TRMT11: variants seen among roughly 807,000 people sequenced by gnomAD.
The protein encoded by TRMT11 is tRNA methyltransferase 11, also known as tRNA (guanine(10)-N(2))-methyltransferase TRMT11.
A neutral mutation model predicts 62.8 loss-of-function variants in TRMT11; 53 were observed. The ratio of observed to expected loss-of-function variants is 0.84; its 90% CI spans 0.68 to 1.06. The LOEUF (loss-of-function observed/expected upper bound fraction) is 1.06, where lower values mean the gene tolerates loss of function less well. Ranked by LOEUF, TRMT11 falls within the 50% of genes least tolerant of loss-of-function variation. The probability of loss-of-function intolerance (pLI) is 0.00; values close to 1 mark genes in which losing one functional copy is unlikely to be tolerated. For missense variants in TRMT11, 556 were observed against 553.4 expected, an observed-to-expected ratio of 1.00 and a Z score of -0.05; for synonymous variants, 188 against 190.3, an observed-to-expected ratio of 0.99 and a Z score of 0.10.
chr6:126,184,680 T>C (rs1239733181), intron 1 of TRMT11, among the ~76,000 whole-genome samples: 1 of 152,062 alleles, frequency 6.6e-6, no homozygotes, highest in African/African-American at 2.4e-5. Context: ...CTTCTTGGGC[T>C]CCCTCAACTG....
At chr6:126,271,363 C>CAAAAAAAAAAAAAAAAAAAAAAAAAA in the TRMT11 span, among the ~76,000 whole-genome samples, 1 of 36,266 alleles carries the variant, frequency 2.8e-5, no homozygotes, top group African/African-American at 1.0e-4. Context: ...GACTCCATCT[C>CAAAAAAAAAAAAAAAAAAAAAAAAAA]AAAAAAAAAA....
At chr6:126,123,615 CTA>C (rs1777675817) in intron 21 of TRMT11, among the ~76,000 whole-genome samples, 1 of 151,870 alleles carries the variant, frequency 6.6e-6, no homozygotes, top group East Asian at 1.9e-4. Context: ...ATTCCTACCT[CTA>C]TTTGCAACAT....
chr6:126,259,893 T>C, the TRMT11 span, among the ~76,000 whole-genome samples: 3 of 152,202 alleles, frequency 2.0e-5, no homozygotes, highest in African/African-American at 7.2e-5. Context: ...TATTCCTTCT[T>C]GCTTTTAATT....
chr6:126,048,694 A>G (rs955943469), intron 16 of TRMT11, among the ~76,000 whole-genome samples: 2 of 152,196 alleles, frequency 1.3e-5, no homozygotes, highest in African/African-American at 4.8e-5. Context: ...TTTCTGATGC[A>G]AAGGCTACCA....
chr6:126,141,323 A>G (rs1402524665), intron 21 of TRMT11, among the ~76,000 whole-genome samples: 1 of 152,182 alleles, frequency 6.6e-6, no homozygotes, highest in Non-Finnish European at 1.5e-5. Context: ...GCATGTAGCT[A>G]GTTACAGCTT....
rs143468102 is a variant in TRMT11, at chr6:126,160,566, C to A, written c.*1824-14259C>A. On this transcript the variant is annotated intron_variant and NMD_transcript_variant, in intron 21 of 22. Transcript: ENST00000648977. ...CTGAAGCATTGTTCTACTCGCTCCT[C>A]CTGGTGACTGTGTAGCTGTGTTTCT... is the stretch of plus-strand genomic sequence containing the variant. 4.5e-3 allele frequency among the ~76,000 whole-genome samples: 686 copies of A among 152,264 alleles called. 3 individuals carry two copies. The highest frequency in any genetic ancestry group is 8.3e-3 in the Non-Finnish European group (564 of 68,020).
At chr6:126,229,294 TAGATGCC>T in the TRMT11 span, among the ~76,000 whole-genome samples, 2 of 152,220 alleles carry the variant, frequency 1.3e-5, no homozygotes, top group African/African-American at 4.8e-5. Context: ...AACAAAATGC[TAGATGCC>T]AGGGGGAAAC....
At chr6:125,987,717 GA>G (rs1417856388) in intron 1 of TRMT11, among the ~76,000 whole-genome samples, 1 of 152,194 alleles carries the variant, frequency 6.6e-6, no homozygotes, top group Non-Finnish European at 1.5e-5. Flanking sequence ...TGGATTGATT[GA>G]ATATGTGGGA....
chr6:126,239,799 G>A, the TRMT11 span, among the ~76,000 whole-genome samples: 1 of 152,216 alleles, frequency 6.6e-6, no homozygotes, highest in Non-Finnish European at 1.5e-5. Context: ...ATCCTTCAGA[G>A]TGTTTTCCAA....
At chr6:126,085,086 C>G (rs1317584696) in intron 17 of TRMT11, among the ~76,000 whole-genome samples, 1 of 152,054 alleles carries the variant, frequency 6.6e-6, no homozygotes, top group Non-Finnish European at 1.5e-5. Context: ...TGTTCTTGCT[C>G]CTCCCTAACA....
chr6:126,258,447 C>T, the TRMT11 span: 512 of 296,624 alleles, frequency 1.7e-3, no homozygotes, highest in African/African-American at 8.5e-3. Flanking sequence ...CTCCGCTCTG[C>T]GCAGCTCCAC....
intron 17 of TRMT11, among the ~76,000 whole-genome samples, chr6:126,086,161 C>T (rs565907465): frequency 7.9e-5 from 12 of 152,216 alleles, no homozygotes; most frequent in Non-Finnish European, 8.8e-5. Context: ...AAAGGAAGCA[C>T]GACTCAATTC....
chr6:126,030,232 C>A (rs1773944521), intron 12 of TRMT11, among the ~76,000 whole-genome samples: 1 of 152,058 alleles, frequency 6.6e-6, no homozygotes, highest in Non-Finnish European at 1.5e-5. Context: ...CAAGTGGTTT[C>A]TATAGCTACT....
chr6:126,076,722 A>G (rs1165856608), intron 17 of TRMT11, among the ~76,000 whole-genome samples: 3 of 152,212 alleles, frequency 2.0e-5, no homozygotes, highest in Non-Finnish European at 4.4e-5. Context: ...TACAGTTACC[A>G]TATAAATAAA....
At chr6:126,011,832 G>A (rs1377289250) in intron 9 of TRMT11, among the ~76,000 whole-genome samples, 1 of 152,134 alleles carries the variant, frequency 6.6e-6, no homozygotes, top group Non-Finnish European at 1.5e-5. Context: ...ATTTCTCTAT[G>A]TGTAAGCATT....
intron 21 of TRMT11, among the ~76,000 whole-genome samples, chr6:126,166,293 G>A (rs1013006830): frequency 6.6e-6 from 1 of 152,004 alleles, no homozygotes; most frequent in African/African-American, 2.4e-5. Flanking sequence ...TTGGTCTTTG[G>A]TGTTGGAGGT....
intron 17 of TRMT11, among the ~76,000 whole-genome samples, chr6:126,097,991 C>G (rs912415523): frequency 1.3e-5 from 2 of 152,018 alleles, no homozygotes; most frequent in African/African-American, 4.8e-5. Flanking sequence ...ATTTTAATGA[C>G]CTGAAGAATT....
downstream of TRMT11, among the ~76,000 whole-genome samples, chr6:126,203,429 T>C (rs947972382): frequency 5.9e-5 from 9 of 152,292 alleles, no homozygotes; most frequent in Admixed American, 5.2e-4. Context: ...CCCTTCCATT[T>C]GAGATCCTCC....
At chr6:126,002,507 G>T (rs191943848) in intron 7 of TRMT11, among the ~76,000 whole-genome samples, 7 of 152,178 alleles carry the variant, frequency 4.6e-5, no homozygotes, top group Non-Finnish European at 1.0e-4. Flanking sequence ...AAGAGTTCAG[G>T]ATGTGTTTTC....
Sources: gnomAD v4.1 joint callset for allele counts (sites outside exome capture counted in the v4.1 genomes callset) on GRCh38, gnomAD v4.1.1 for gene constraint, MANE v1.5 for transcripts, NCBI Gene and HGNC (gene_info 2026-07-23, HGNC 2026-07-21) for gene names.